TENM2: variants seen among roughly 807,000 people sequenced by gnomAD.
The protein encoded by TENM2 is teneurin-2.
Under a neutral mutation model 245.2 loss-of-function variants are expected in TENM2, and 52 were observed. The ratio of observed to expected loss-of-function variants is 0.21; its 90% CI spans 0.17 to 0.27. The LOEUF (loss-of-function observed/expected upper bound fraction) is 0.27, where lower values mean the gene tolerates loss of function less well. Among genes scored for constraint, TENM2 ranks in the 10% least tolerant of loss-of-function variants. The pLI, the probability that TENM2 is intolerant of heterozygous loss-of-function variation, is 1.00. For missense variants in TENM2, 3,046 were observed against 3,666.8 expected (o/e 0.83, Z 4.37); for synonymous variants, 1,363 against 1,438.9 (o/e 0.95, Z 1.19).
At chr5:168,248,434 A>G (rs1766797792) in intron 27 of TENM2, 63 bp downstream of exon 29, 1 of 1,503,468 alleles carries the variant, frequency 6.7e-7, no homozygotes, top group Non-Finnish European at 9.0e-7. Context: ...GCTGTGGGGA[A>G]CTTGGGAGGA....
chr5:167,044,377 G>A, the TENM2 span, among the ~76,000 whole-genome samples: 2 of 152,178 alleles, frequency 1.3e-5, no homozygotes, highest in African/African-American at 4.8e-5. Flanking sequence ...AAAATGTTAA[G>A]AACACAATGT....
chr5:167,353,665 G>A (rs977264615), intron 1 of TENM2, among the ~76,000 whole-genome samples: 6 of 151,294 alleles, frequency 4.0e-5, no homozygotes, highest in African/African-American at 1.2e-4. Flanking sequence ...CCGCCACTAC[G>A]CCCGGCTAAT....
chr5:167,281,273 ATT>A (rs113120728), upstream of TENM2, among the ~76,000 whole-genome samples: 27 of 131,794 alleles, frequency 2.0e-4, no homozygotes, highest in African/African-American at 3.0e-4. Context: ...ACGCCTGGCT[ATT>A]TTTTTTTTTT....
At chr5:167,127,806 C>G in the TENM2 span, among the ~76,000 whole-genome samples, 2 of 152,044 alleles carry the variant, frequency 1.3e-5, no homozygotes, top group Admixed American at 6.6e-5. Flanking sequence ...TGAAATATCC[C>G]AAATTCCTCC....
intron 1 of TENM2, among the ~76,000 whole-genome samples, chr5:167,330,388 A>G (rs2127789043): frequency 6.6e-6 from 1 of 152,282 alleles, no homozygotes; most frequent in East Asian, 1.9e-4. Context: ...CTGGATTTGA[A>G]TCCAGTCTGT....
intron 2 of TENM2, among the ~76,000 whole-genome samples, chr5:167,561,924 C>T (rs1029881813): frequency 1.3e-5 from 2 of 152,126 alleles, no homozygotes; most frequent in Non-Finnish European, 2.9e-5. Context: ...AGAGTCCTAG[C>T]GCCACCTTTC....
intron 2 of TENM2, among the ~76,000 whole-genome samples, chr5:167,543,275 T>G (rs1772333275): frequency 6.6e-6 from 1 of 152,144 alleles, no homozygotes; most frequent in Non-Finnish European, 1.5e-5. Context: ...AGATGCCTCT[T>G]GAGACCTAGG....
chr5:167,992,989 C>T (rs774639734), exon 5 of TENM2: 7 of 1,613,984 alleles, frequency 4.3e-6, no homozygotes, highest in South Asian at 1.1e-5. Context: ...CCTTGTTCAG[C>T]AGCTCTTCCC....
intron 27 of TENM2, among the ~76,000 whole-genome samples, chr5:168,251,204 C>T (rs966875856): frequency 6.6e-6 from 1 of 152,228 alleles, no homozygotes; most frequent in Non-Finnish European, 1.5e-5. Context: ...GTGGGCTGAA[C>T]AGACATGTCC....
the TENM2 span, among the ~76,000 whole-genome samples, chr5:166,998,529 G>A: frequency 1.3e-5 from 2 of 151,854 alleles, no homozygotes; most frequent in African/African-American, 4.8e-5. Context: ...ATGTTTAAAG[G>A]ACACTATAGT....
At chr5:167,057,264 C>A in the TENM2 span, among the ~76,000 whole-genome samples, 1 of 152,160 alleles carries the variant, frequency 6.6e-6, no homozygotes, top group East Asian at 1.9e-4. Context: ...TGTTAAGATC[C>A]TTAGCTTATT....
chr5:168,105,026 G>T (rs1276735640), intron 9 of TENM2, among the ~76,000 whole-genome samples: 1 of 152,106 alleles, frequency 6.6e-6, no homozygotes, highest in African/African-American at 2.4e-5. Flanking sequence ...AACATAAATG[G>T]GAGTCCAAAA....
At chr5:167,111,783 A>C in the TENM2 span, among the ~76,000 whole-genome samples, 3 of 152,202 alleles carry the variant, frequency 2.0e-5, no homozygotes, top group Non-Finnish European at 4.4e-5. Context: ...TAACTTTATG[A>C]GACTGTTTTA....
intron 22 of TENM2, 32 bp downstream of exon 24, chr5:168,216,954 C>A: frequency 2.5e-6 from 4 of 1,610,788 alleles, no homozygotes; most frequent in Non-Finnish European, 2.5e-6. Flanking sequence ...CTTCACTAAG[C>A]AACACCTGCC....
chr5:168,212,568 C>T (rs1263100557), intron 20 of TENM2, among the ~76,000 whole-genome samples: 1 of 152,170 alleles, frequency 6.6e-6, no homozygotes, highest in Non-Finnish European at 1.5e-5. Flanking sequence ...GGACAGCTCT[C>T]CTTCATGATA....
At chr5:167,678,278 GTAAA>G (rs1756469307) in intron 2 of TENM2, among the ~76,000 whole-genome samples, 1 of 152,050 alleles carries the variant, frequency 6.6e-6, no homozygotes, top group Admixed American at 6.6e-5. Context: ...TCAGGGAAAA[GTAAA>G]TGTCTGAAAA....
chr5:168,253,218 C>T (rs1043347101), intron 27 of TENM2, among the ~76,000 whole-genome samples: 7 of 151,820 alleles, frequency 4.6e-5, no homozygotes, highest in Admixed American at 2.6e-4. Flanking sequence ...CGGCCTGCCT[C>T]GGCCTCCCAA....
chr5:167,407,014 A>T (rs1762672145), intron 2 of TENM2, among the ~76,000 whole-genome samples: 1 of 152,206 alleles, frequency 6.6e-6, no homozygotes, highest in Non-Finnish European at 1.5e-5. Context: ...CAAGGAAAAC[A>T]CACAGCAGCA....
intron 1 of TENM2, among the ~76,000 whole-genome samples, chr5:167,306,899 C>T (rs375484296): frequency 2.7e-4 from 41 of 152,280 alleles, no homozygotes; most frequent in African/African-American, 9.6e-4. Flanking sequence ...ACATGAAAAT[C>T]ATCACTCTGC....
Sources: allele counts gnomAD v4.1 joint callset (sites outside exome capture counted in the v4.1 genomes callset), GRCh38; gene constraint gnomAD v4.1.1; transcripts MANE v1.5; gene names NCBI Gene and HGNC (gene_info 2026-07-23, HGNC 2026-07-21).